RARB: variants seen among roughly 807,000 people sequenced by gnomAD.
The protein encoded by RARB is retinoic acid receptor beta, also known as HBV-activated protein.
RARB carries 17 observed loss-of-function variants against 51.9 expected under a neutral mutation model. The ratio of observed to expected loss-of-function variants is 0.33; its 90% CI spans 0.22 to 0.49. RARB has a LOEUF of 0.49. Among genes scored for constraint, RARB ranks in the 20% least tolerant of loss-of-function variants. RARB has a pLI of 0.99. For synonymous variants in RARB, 215 were observed against 195.4 expected (o/e 1.10, Z -0.84); for missense variants, 369 against 550.8 (o/e 0.67, Z 3.30).
intron 5 of RARB, among the ~76,000 whole-genome samples, chr3:25,369,614 A>G (rs1326115832): frequency 6.6e-6 from 1 of 152,224 alleles, no homozygotes; most frequent in African/African-American, 2.4e-5. Flanking sequence ...GGCATAAGCA[A>G]GCAGATTCAA....
chr3:25,344,884 A>G (rs967706422), intron 5 of RARB, among the ~76,000 whole-genome samples: 1 of 152,308 alleles, frequency 6.6e-6, no homozygotes, highest in South Asian at 2.1e-4. Flanking sequence ...GAGAGTGGAA[A>G]GTTTTTAGGG....
chr3:25,083,071 C>T (rs923414939), intron 3 of RARB, among the ~76,000 whole-genome samples: 3 of 151,770 alleles, frequency 2.0e-5, no homozygotes, highest in Non-Finnish European at 1.5e-5. Context: ...GTGTTTTTTT[C>T]CTTCTGGCTG....
At chr3:24,898,182 T>A (rs1703519374) in intron 2 of RARB, among the ~76,000 whole-genome samples, 2 of 152,170 alleles carry the variant, frequency 1.3e-5, no homozygotes, top group Admixed American at 1.3e-4. Context: ...CTGCTGTGAC[T>A]GATGCTTCAT....
At chr3:25,286,651 T>C (rs1202480167) in intron 5 of RARB, among the ~76,000 whole-genome samples, 1 of 152,224 alleles carries the variant, frequency 6.6e-6, no homozygotes, top group African/African-American at 2.4e-5. Flanking sequence ...TCCAAAATTA[T>C]TTTTCTTTAT....
chr3:24,873,906 T>A (rs1179515586), intron 2 of RARB, among the ~76,000 whole-genome samples: 1 of 152,060 alleles, frequency 6.6e-6, no homozygotes, highest in African/African-American at 2.4e-5. Context: ...CCCATAGGTT[T>A]TGCATCCATG....
chr3:25,193,325 TAA>T (rs1701148588), intron 5 of RARB, among the ~76,000 whole-genome samples: 1 of 151,962 alleles, frequency 6.6e-6, no homozygotes, highest in Admixed American at 6.6e-5. Context: ...TTAGAAATCT[TAA>T]AGATTGTTCC....
chr3:25,398,580 T>C (rs530481435), intron 5 of RARB, among the ~76,000 whole-genome samples: 1 of 152,182 alleles, frequency 6.6e-6, no homozygotes, highest in Non-Finnish European at 1.5e-5. Flanking sequence ...AATGTTGAGA[T>C]ACACTGATAA....
chr3:25,467,962 ATAATT>A (rs1282693366), intron 2 of RARB, among the ~76,000 whole-genome samples: 2 of 152,188 alleles, frequency 1.3e-5, no homozygotes, highest in Non-Finnish European at 1.5e-5. Flanking sequence ...CTAATAAAGA[ATAATT>A]TAGGGGTATT....
At chr3:25,465,531 A>G (rs2125560892) in intron 2 of RARB, among the ~76,000 whole-genome samples, 1 of 152,272 alleles carries the variant, frequency 6.6e-6, no homozygotes, top group African/African-American at 2.4e-5. Flanking sequence ...TGGGGAAGAG[A>G]ACTTTCCATC....
chr3:24,961,707 G>A lies in RARB; in HGVS notation c.-379-98418G>A, dbSNP rs1401113933. On this transcript the variant is annotated intron_variant, in intron 2 of 11. Coordinates refer to the RARB transcript ENST00000383772. ...GATCAACTCAGAACAGGGAATTAAT[G>A]TCATAGGAAACTGAGGCTCCAAAAC... Among the ~76,000 whole-genome samples, 3 of 152,156 alleles carry A rather than the reference G, an allele frequency of 2.0e-5. No homozygotes were observed. In the South Asian group the frequency reaches 6.2e-4, roughly 31 times the overall value.
intron 5 of RARB, among the ~76,000 whole-genome samples, chr3:25,334,789 C>T (rs1392094491): frequency 6.6e-6 from 1 of 152,122 alleles, no homozygotes; most frequent in Non-Finnish European, 1.5e-5. Context: ...TGGGAATTTT[C>T]TTAAATTGTT....
intron 5 of RARB, among the ~76,000 whole-genome samples, chr3:25,340,421 G>T (rs186532711): frequency 6.6e-6 from 1 of 152,158 alleles, no homozygotes; most frequent in Admixed American, 6.5e-5. Flanking sequence ...TGAGTCCATT[G>T]TTCACAAGTG....
At chr3:25,019,672 G>C (rs546628050) in intron 2 of RARB, among the ~76,000 whole-genome samples, 1 of 152,176 alleles carries the variant, frequency 6.6e-6, no homozygotes, top group East Asian at 1.9e-4. Flanking sequence ...GACAGGTAAG[G>C]TGTTCATTTC....
intron 2 of RARB, among the ~76,000 whole-genome samples, chr3:24,922,863 C>T (rs1174717141): frequency 6.6e-6 from 1 of 152,072 alleles, no homozygotes; most frequent in Non-Finnish European, 1.5e-5. Context: ...GGTTATAGAC[C>T]CTTAGAGTCT....
chr3:24,937,604 G>A (rs1347247452), intron 2 of RARB, among the ~76,000 whole-genome samples: 3 of 152,076 alleles, frequency 2.0e-5, no homozygotes, highest in East Asian at 1.9e-4. Flanking sequence ...CGTGCGATAC[G>A]GGAAAGGCCC....
chr3:25,188,373 T>G (rs1403286382), intron 5 of RARB, among the ~76,000 whole-genome samples: 4 of 152,132 alleles, frequency 2.6e-5, no homozygotes, highest in Non-Finnish European at 4.4e-5. Context: ...AAGGGAGACC[T>G]TTTATTGGGT....
Position 25,444,038 on chromosome 3 carries a change from T to C in RARB, c.157+15150T>C, listed in dbSNP as rs541001389. 2.3e-3 allele frequency among the ~76,000 whole-genome samples: 345 copies of C among 152,318 alleles called. 2 individuals carry two copies. Among genetic ancestry groups the C allele is most frequent in the African/African-American group, 7.5e-3 (312 of 41,572 alleles). ...CCACCCCCATGATTTAAAGTTGCGA[T>C]TGATTTTTATTAAAGTAAAACAATC... is the stretch of plus-strand genomic sequence containing the variant. On this transcript the variant is annotated intron_variant, in intron 1 of 7. Coordinates refer to ENST00000330688, the MANE Select transcript of RARB (RefSeq NM_000965.5).
chr3:25,268,390 GAA>G (rs11286841), intron 5 of RARB, among the ~76,000 whole-genome samples: 59 of 147,362 alleles, frequency 4.0e-4, no homozygotes, highest in South Asian at 3.0e-3. Context: ...CCAGAAAATA[GAA>G]AAAAAAAAAA....
At chr3:25,240,031 T>G (rs1702393117) in intron 5 of RARB, among the ~76,000 whole-genome samples, 2 of 151,472 alleles carry the variant, frequency 1.3e-5, no homozygotes, top group South Asian at 4.2e-4. Flanking sequence ...TTTCCTAGGT[T>G]GTTGGTGTTT....
Sources: allele counts gnomAD v4.1 joint callset (sites outside exome capture counted in the v4.1 genomes callset), GRCh38; gene constraint gnomAD v4.1.1; transcripts MANE v1.5; gene names NCBI Gene and HGNC (gene_info 2026-07-23, HGNC 2026-07-21).